CNTN5: variants seen among roughly 807,000 people sequenced by gnomAD.
CNTN5 encodes contactin-5.
A neutral mutation model predicts 129.1 loss-of-function variants in CNTN5; 77 were observed. That is an observed-to-expected ratio of 0.60 (90% confidence interval 0.50 to 0.72). CNTN5 has a LOEUF of 0.72. Among genes scored for constraint, CNTN5 ranks in the 30% least tolerant of loss-of-function variants. The probability of loss-of-function intolerance (pLI) is 0.00; values close to 1 mark genes in which losing one functional copy is unlikely to be tolerated. For synonymous variants in CNTN5, 509 were observed against 465.6 expected, an observed-to-expected ratio of 1.09 and a Z score of -1.20; for missense variants, 1,478 against 1,328.8, an observed-to-expected ratio of 1.11 and a Z score of -1.75.
At chr11:99,048,528 G>T (rs1387411091) in intron 1 of CNTN5, among the ~76,000 whole-genome samples, 2 of 152,094 alleles carry the variant, frequency 1.3e-5, no homozygotes, top group Non-Finnish European at 2.9e-5. Flanking sequence ...ACATTAATTA[G>T]TTATAAAATA....
chr11:99,047,240 A>G (rs1447037764), intron 1 of CNTN5, among the ~76,000 whole-genome samples: 2 of 151,982 alleles, frequency 1.3e-5, no homozygotes, highest in African/African-American at 4.8e-5. Context: ...ATATTTACAT[A>G]TTAAGAACTT....
chr11:99,963,038 A>T (rs1950993512), intron 8 of CNTN5, among the ~76,000 whole-genome samples: 1 of 151,944 alleles, frequency 6.6e-6, no homozygotes, highest in African/African-American at 2.4e-5. Context: ...GTTTGAGTTC[A>T]TTGTAGATTC....
intron 3 of CNTN5, among the ~76,000 whole-genome samples, chr11:99,622,096 A>G (rs1288235306): frequency 6.6e-6 from 1 of 152,194 alleles, no homozygotes; most frequent in Non-Finnish European, 1.5e-5. Flanking sequence ...GCCATTGAGC[A>G]CATCTTCTAT....
At position 99,819,124 on chromosome 11, in the gene CNTN5, A is replaced by G. The variant is rs527621829; in HGVS notation, c.56-420A>G. On this transcript the variant is annotated intron_variant, in intron 3 of 24. Transcript: ENST00000524871. ...ATAAGGAAAGAACTGATCTATGTGA[A>G]TGGGTATTGTAATATTAAGGTAAAC... Among the ~76,000 whole-genome samples, 217 of 151,838 alleles carry G rather than the reference A, an allele frequency of 1.4e-3. 1 individual carries two copies. Among genetic ancestry groups the G allele is most frequent in the African/African-American group, 5.1e-3 (212 of 41,388 alleles).
intron 3 of CNTN5, among the ~76,000 whole-genome samples, chr11:99,629,858 GAT>G (rs1009140354): frequency 1.3e-5 from 2 of 151,294 alleles, no homozygotes; most frequent in African/African-American, 4.8e-5. Flanking sequence ...GGTAATATTT[GAT>G]ATAAAATATA....
intron 3 of CNTN5, among the ~76,000 whole-genome samples, chr11:99,578,719 C>A (rs1194063897): frequency 6.6e-6 from 1 of 151,530 alleles, no homozygotes; most frequent in Non-Finnish European, 1.5e-5. Context: ...ATTGTAGATT[C>A]TGGATATTAG....
chr11:100,172,750 TA>T (rs1303499597), intron 13 of CNTN5, among the ~76,000 whole-genome samples: 2 of 151,998 alleles, frequency 1.3e-5, no homozygotes, highest in East Asian at 1.9e-4. Flanking sequence ...GATATAGATG[TA>T]AAAAAGCAGC....
At chr11:99,959,224 A>G (rs748551370) in intron 8 of CNTN5, among the ~76,000 whole-genome samples, 12 of 152,076 alleles carry the variant, frequency 7.9e-5, no homozygotes, top group Non-Finnish European at 1.3e-4. Context: ...ATGATCATCA[A>G]TTTCAAGTGG....
intron 15 of CNTN5, among the ~76,000 whole-genome samples, chr11:100,194,372 C>A (rs186922261): frequency 6.6e-6 from 1 of 151,848 alleles, no homozygotes. Context: ...ACTGGGGTGG[C>A]AGAAAAAGAG....
At chr11:100,215,929 G>A (rs983533457) in intron 15 of CNTN5, among the ~76,000 whole-genome samples, 2 of 152,134 alleles carry the variant, frequency 1.3e-5, no homozygotes, top group Non-Finnish European at 2.9e-5. Flanking sequence ...ATGGGACTTA[G>A]CATCAGCCTC....
At chr11:99,794,232 T>C (rs1227577031) in intron 3 of CNTN5, among the ~76,000 whole-genome samples, 1 of 151,758 alleles carries the variant, frequency 6.6e-6, no homozygotes, top group South Asian at 2.1e-4. Flanking sequence ...TGTCTGAAAT[T>C]AGAATAGCAA....
At chr11:99,541,948 T>A (rs1398241858) in intron 2 of CNTN5, among the ~76,000 whole-genome samples, 3 of 108,290 alleles carry the variant, frequency 2.8e-5, no homozygotes, top group Admixed American at 1.1e-4. Context: ...CAGAGGGAGA[T>A]CTTGTCTCAA....
chr11:99,089,017 ATAAT>A (rs1244290966), intron 1 of CNTN5, among the ~76,000 whole-genome samples: 10 of 152,268 alleles, frequency 6.6e-5, no homozygotes, highest in East Asian at 1.9e-4. Flanking sequence ...GGTTGAGAGA[ATAAT>A]TAGTTAATAA....
chr11:99,140,669 C>T (rs906496427), intron 1 of CNTN5, among the ~76,000 whole-genome samples: 1 of 151,976 alleles, frequency 6.6e-6, no homozygotes, highest in Non-Finnish European at 1.5e-5. Context: ...TAGGTTCCTT[C>T]AATTCCTAGT....
At chr11:99,782,610 G>T (rs1041128965) in intron 3 of CNTN5, among the ~76,000 whole-genome samples, 25 of 151,834 alleles carry the variant, frequency 1.6e-4, no homozygotes, top group African/African-American at 5.6e-4. Context: ...AAACAGCATG[G>T]TACTGGTACC....
intron 3 of CNTN5, among the ~76,000 whole-genome samples, chr11:99,612,545 C>T (rs1950622498): frequency 6.6e-6 from 1 of 152,074 alleles, no homozygotes; most frequent in Admixed American, 6.6e-5. Flanking sequence ...CCCATATTGT[C>T]TTCTTTAGTC....
intron 13 of CNTN5, among the ~76,000 whole-genome samples, chr11:100,075,244 T>A (rs1944081228): frequency 6.6e-6 from 1 of 152,174 alleles, no homozygotes; most frequent in African/African-American, 2.4e-5. Context: ...GGACACTGAT[T>A]TAAATAGTCT....
rs1012379699 is a variant in CNTN5 at position 99,364,949 on chromosome 11, A to T, written c.-71+39465A>T. On this transcript the variant is annotated intron_variant, in intron 2 of 24. Coordinates refer to ENST00000524871, the MANE Select transcript of CNTN5 (RefSeq NM_014361.4). ...AGATCACTCTGGTACCTGAATAAGG[A>T]TGGCTTTGAAGGGAAAAGATTGGAG... Among the ~76,000 whole-genome samples, 3 of 152,100 alleles carry T rather than the reference A, an allele frequency of 2.0e-5. 1 individual carries two copies. The South Asian group carries it at 6.2e-4, about 32-fold the overall frequency.
intron 3 of CNTN5, among the ~76,000 whole-genome samples, chr11:99,789,571 C>A (rs1565534691): frequency 1.3e-5 from 2 of 151,912 alleles, no homozygotes; most frequent in African/African-American, 4.8e-5. Context: ...CCTTTGCTTC[C>A]ATCAGCTGTA....
Sources: gnomAD v4.1 joint callset for allele counts (sites outside exome capture counted in the v4.1 genomes callset) on GRCh38, gnomAD v4.1.1 for gene constraint, MANE v1.5 for transcripts, NCBI Gene and HGNC (gene_info 2026-07-23, HGNC 2026-07-21) for gene names.